PIK3C2G: variants seen among roughly 807,000 people sequenced by gnomAD.
PIK3C2G encodes the protein phosphatidylinositol 3-kinase C2 domain-containing subunit gamma.
A neutral mutation model predicts 181.1 loss-of-function variants in PIK3C2G; 168 were observed. The observed-to-expected ratio is 0.93, with a 90% confidence interval of 0.82 to 1.05. The LOEUF (loss-of-function observed/expected upper bound fraction) is 1.05, where lower values mean the gene tolerates loss of function less well. PIK3C2G is among the 50% of genes least tolerant of loss of function. The pLI is 0.00. For missense variants in PIK3C2G, 1,869 were observed against 1,732.8 expected, an observed-to-expected ratio of 1.08 and a Z score of -1.40; for synonymous variants, 573 against 592.2, an observed-to-expected ratio of 0.97 and a Z score of 0.47.
chr12:18,581,751 G>A (rs1333043720), intron 29 of PIK3C2G, among the ~76,000 whole-genome samples: 2 of 152,174 alleles, frequency 1.3e-5, no homozygotes, highest in Non-Finnish European at 2.9e-5. Flanking sequence ...TGGAAATACT[G>A]ATAATGCAGT....
the PIK3C2G span, among the ~76,000 whole-genome samples, chr12:18,679,646 A>C: frequency 6.6e-6 from 1 of 151,968 alleles, no homozygotes; most frequent in African/African-American, 2.4e-5. Context: ...ATTAAGATTA[A>C]TTTTTATTAA....
intron 14 of PIK3C2G, among the ~76,000 whole-genome samples, chr12:18,382,797 G>T (rs2137976329): frequency 6.6e-6 from 1 of 152,306 alleles, no homozygotes; most frequent in South Asian, 2.1e-4. Flanking sequence ...TGCTCTAGAA[G>T]AAGTCAGTAG....
chr12:18,426,013 C>T (rs753051452), intron 18 of PIK3C2G, among the ~76,000 whole-genome samples: 5 of 152,060 alleles, frequency 3.3e-5, no homozygotes, highest in Non-Finnish European at 7.4e-5. Flanking sequence ...TCATCAAGAC[C>T]TTGACTTTGA....
intron 5 of PIK3C2G, among the ~76,000 whole-genome samples, chr12:18,313,313 A>G (rs986836837): frequency 7.2e-5 from 11 of 152,216 alleles, no homozygotes; most frequent in African/African-American, 2.7e-4. Flanking sequence ...AAGAAATATA[A>G]CAGTGCCAGT....
chr12:18,318,157 T>A (rs929313342), intron 6 of PIK3C2G, among the ~76,000 whole-genome samples: 2 of 152,242 alleles, frequency 1.3e-5, no homozygotes, highest in Admixed American at 1.3e-4. Flanking sequence ...CTTTTGTTGA[T>A]ATATCAACAA....
intron 18 of PIK3C2G, among the ~76,000 whole-genome samples, chr12:18,456,981 T>C (rs369525328): frequency 1.3e-5 from 2 of 152,144 alleles, no homozygotes; most frequent in Admixed American, 6.6e-5. Flanking sequence ...CTTTGTAATC[T>C]TGAGGGACAA....
intron 17 of PIK3C2G, among the ~76,000 whole-genome samples, 188 bp downstream of exon 17, chr12:18,421,222 A>G (rs1945467479): frequency 6.6e-6 from 1 of 152,078 alleles, no homozygotes; most frequent in South Asian, 2.1e-4. Context: ...AAAATACATT[A>G]ATTCCAAAAA....
At chr12:18,725,305 T>C in the PIK3C2G span, among the ~76,000 whole-genome samples, 1 of 151,926 alleles carries the variant, frequency 6.6e-6, no homozygotes, top group Non-Finnish European at 1.5e-5. Context: ...AGAAAAGCAA[T>C]AAGAAAGAAG....
chr12:18,420,734 T>A (rs1392764410), intron 16 of PIK3C2G, among the ~76,000 whole-genome samples: 2 of 152,134 alleles, frequency 1.3e-5, no homozygotes, highest in African/African-American at 4.8e-5. Context: ...AAAGTCTAGT[T>A]GAAAGGATTT....
At chr12:18,255,628 A>C (rs73056468) in intron 1 of PIK3C2G, among the ~76,000 whole-genome samples, 105 of 152,308 alleles carry the variant, frequency 6.9e-4, no homozygotes, top group Non-Finnish European at 7.5e-4. Flanking sequence ...GAACACAACT[A>C]GAATAATCAG....
intron 22 of PIK3C2G, among the ~76,000 whole-genome samples, chr12:18,499,197 T>G (rs912877664): frequency 6.6e-6 from 1 of 152,208 alleles, no homozygotes; most frequent in South Asian, 2.1e-4. Flanking sequence ...TTATTTTTCT[T>G]CTCTGTCTAC....
In PIK3C2G at chr12:18,429,741, A is replaced by G. The variant is rs141580551; in HGVS notation, c.2504+5702A>G. On this transcript the variant is annotated intron_variant, in intron 18 of 32. Coordinates refer to ENST00000538779, the MANE Select transcript of PIK3C2G (RefSeq NM_001288772.2). ...CACAGAAATGTCTGTAAGGCCATCAATATTTTCACACACAGTACTGGAAAT... is the reference window on the plus strand; with the variant it reads ...CACAGAAATGTCTGTAAGGCCATCAGTATTTTCACACACAGTACTGGAAAT... Among the ~76,000 whole-genome samples, 130 of 152,284 alleles carry G rather than the reference A, an allele frequency of 8.5e-4. No homozygotes were observed. The East Asian group carries it at 0.021, about 24-fold the overall frequency.
intron 18 of PIK3C2G, among the ~76,000 whole-genome samples, chr12:18,453,178 A>G (rs955536987): frequency 6.6e-6 from 1 of 151,796 alleles, no homozygotes; most frequent in Admixed American, 6.6e-5. Context: ...GTCTCCCACT[A>G]TTAGAGTCTA....
intron 5 of PIK3C2G, among the ~76,000 whole-genome samples, chr12:18,299,072 T>C (rs115050745): frequency 0.018 from 2,710 of 152,096 alleles, 77 homozygotes; most frequent in African/African-American, 0.062. Context: ...ATTCTTTTTC[T>C]ATTTCTGTGA....
At chr12:18,677,649 A>G in the PIK3C2G span, among the ~76,000 whole-genome samples, 5 of 152,116 alleles carry the variant, frequency 3.3e-5, no homozygotes, top group African/African-American at 1.2e-4. Context: ...GCAGAACGCC[A>G]CACCAATTTC....
rs1349955072 is a variant in PIK3C2G at position 18,346,626 on chromosome 12, T to A, written c.1430-15T>A. On this transcript the variant is annotated splice_polypyrimidine_tract_variant and intron_variant, in intron 10 of 32. Coordinates refer to ENST00000538779, the MANE Select transcript of PIK3C2G (RefSeq NM_001288772.2). ...GCCCTTCTTAGTGACTTGATCTCTA[T>A]CTCTTCCTTTCTAGGCTTGATAGAG... The A allele has an allele frequency of 1.0e-5, 16 of 1,553,916 alleles. No individual in the cohort carries two copies. Among genetic ancestry groups the A allele is most frequent in the Non-Finnish European group, 1.4e-5 (16 of 1,134,494 alleles).
At chr12:18,371,922 A>C (rs898592116) in intron 13 of PIK3C2G, among the ~76,000 whole-genome samples, 1 of 152,176 alleles carries the variant, frequency 6.6e-6, no homozygotes, top group African/African-American at 2.4e-5. Context: ...TTTTTTAAAA[A>C]TCAACCATTT....
intron 1 of PIK3C2G, among the ~76,000 whole-genome samples, chr12:18,280,655 T>C (rs1949172407): frequency 6.6e-6 from 1 of 151,984 alleles, no homozygotes; most frequent in South Asian, 2.1e-4. Context: ...ATTATAAATG[T>C]TATCCTGAGA....
At chr12:18,361,329 T>C (rs952407902) in intron 11 of PIK3C2G, among the ~76,000 whole-genome samples, 2 of 152,176 alleles carry the variant, frequency 1.3e-5, no homozygotes, top group Non-Finnish European at 2.9e-5. Context: ...TCATTGAGTA[T>C]CTTTATGATG....
Sources: allele counts gnomAD v4.1 joint callset (sites outside exome capture counted in the v4.1 genomes callset), GRCh38; gene constraint gnomAD v4.1.1; transcripts MANE v1.5; gene names NCBI Gene and HGNC (gene_info 2026-07-23, HGNC 2026-07-21).